The following CANX variants were observed in gnomAD, a reference collection of about 807,000 sequenced individuals.
CANX encodes the protein epididymis secretory sperm binding protein.
A neutral mutation model predicts 75.7 loss-of-function variants in CANX; 14 were observed. That is an observed-to-expected ratio of 0.19 (90% CI 0.12 to 0.29). CANX has a LOEUF of 0.29. CANX is among the 10% of genes least tolerant of loss of function. The probability of loss-of-function intolerance (pLI) is 1.00; values close to 1 mark genes in which losing one functional copy is unlikely to be tolerated. For synonymous variants in CANX, 227 were observed against 236.9 expected (o/e 0.96, Z 0.38); for missense variants, 567 against 713.2 (o/e 0.79, Z 2.34).
Position 179,716,275 on chromosome 5 carries a change from G to A in CANX, c.892G>A (p.Ala298Thr), listed in dbSNP as rs750481212. The A allele has an allele frequency of 1.9e-6, 3 of 1,614,068 alleles. No individual in the cohort carries two copies. Among genetic ancestry groups the A allele is most frequent in the East Asian group, 2.2e-5 (1 of 44,890 alleles). Residue 298 changes from alanine (A) to threonine (T), a missense_variant, in exon 8 of 15, where the codon GCT (alanine) becomes ACT (threonine). Ala to Thr is a moderately conservative substitution (Grantham distance 58, BLOSUM62 0). Coordinates refer to ENST00000247461, the MANE Select transcript of CANX (RefSeq NM_001746.4). ...DERPKIPDPE[A>T]VKPDDWDEDA... is the part of the protein sequence containing the mutation. The stretch of plus-strand genomic sequence containing the variant: ...AAGACCAAAAATCCCAGATCCAGAA[G>A]CTGTCAAGCCAGATGACTGGTGAGT...
At chr5:179,705,613 G>A (rs550990815) in intron 1 of CANX, 66 bp from the exon 2 acceptor site, 3 of 1,130,664 alleles carry the variant, frequency 2.7e-6, no homozygotes, top group East Asian at 2.4e-5. Context: ...TGAGAGAGTG[G>A]TTAGTGATCT....
intron 1 of CANX, among the ~76,000 whole-genome samples, chr5:179,681,964 A>AAAG (rs1243688308): frequency 6.8e-6 from 1 of 146,462 alleles, no homozygotes; most frequent in Non-Finnish European, 1.5e-5. Context: ...AAAAAAAAAA[A>AAAG]GAGGGCCAGG....
chr5:179,696,267 CTTTTTTT>C (rs34048949), upstream of CANX, among the ~76,000 whole-genome samples: 10 of 56,738 alleles, frequency 1.8e-4, no homozygotes, highest in Admixed American at 3.2e-4. Flanking sequence ...AGTGTCATTT[CTTTTTTT>C]TTTTTTTTTT....
chr5:179,696,324 A>G (rs1776404042), upstream of CANX, among the ~76,000 whole-genome samples: 1 of 117,792 alleles, frequency 8.5e-6, no homozygotes, highest in Non-Finnish European at 1.6e-5. Flanking sequence ...CACCCAAGCT[A>G]GAGTGCAGTG....
Position 179,728,633 on chromosome 5 carries a change from C to T in CANX, c.1768C>T (p.Arg590Ter), listed in dbSNP as rs1374085607. Residue 590 changes from arginine to a stop codon, truncating the protein, a stop_gained, in exon 15 of 15, where the codon CGA (arginine) becomes TGA (stop). Transcript: ENST00000247461. LOFTEE classifies it high-confidence loss of function. ...LNRSPRNRKP[R>*]RE ...CAGATCACCAAGAAACAGAAAGCCACGAAGAGAGTGAAACAATCTTAAGAG... is the reference window on the plus strand; with the variant it reads ...CAGATCACCAAGAAACAGAAAGCCATGAAGAGAGTGAAACAATCTTAAGAG... 18 of 1,607,830 alleles carry T rather than the reference C, an allele frequency of 1.1e-5. No homozygotes were observed. Among genetic ancestry groups the T allele is most frequent in the South Asian group, 4.4e-5 (4 of 90,950 alleles).
In CANX at chr5:179,716,223, A is replaced by C. The variant is rs1217180939; in HGVS notation, c.840A>C (p.Glu280Asp). The C allele has an allele frequency of 6.2e-7, 1 of 1,614,216 alleles. No individual in the cohort carries two copies. Among genetic ancestry groups the C allele is most frequent in the Admixed American group, 1.7e-5 (1 of 60,024 alleles). ...VNPSREIEDP[E>D]DRKPEDWDER... is the part of the protein sequence containing the mutation. ...CTTCACGTGAAATTGAGGACCCAGA[A>C]GACCGGAAGCCCGAGGATTGGGATG... The change falls in exon 8 of 15, where the codon GAA becomes GAC. Residue 280 changes from glutamate to aspartate, a missense_variant. Physicochemically the swap from Glu to Asp is conservative, Grantham distance 45. This residue lies in a region of CANX where 351 missense variants were observed against 433.8 expected (regional missense o/e 0.81). Coordinates refer to ENST00000247461, the MANE Select transcript of CANX (RefSeq NM_001746.4).
chr5:179,705,805 G>A lies in CANX; in HGVS notation c.124G>A (p.Val42Ile). Residue 42 changes from valine (V) to isoleucine (I), a missense_variant, in exon 2 of 15, where the codon GTA becomes ATA. Transcript: ENST00000247461. ...EDDLDDVIEE[V>I]EDSKPDTTAP... ...TGACCTTGACGATGTCATTGAAGAG[G>A]TAGAAGACTCAAAACCAGATACCAC... is the stretch of plus-strand genomic sequence containing the variant. The A allele has an allele frequency of 6.2e-7, 1 of 1,613,414 alleles. No individual in the cohort carries two copies. The highest frequency in any genetic ancestry group is 1.1e-5 in the South Asian group (1 of 91,062).
upstream of CANX, among the ~76,000 whole-genome samples, chr5:179,695,622 C>T (rs1391292321): frequency 1.3e-5 from 2 of 151,506 alleles, no homozygotes; most frequent in Non-Finnish European, 2.9e-5. Context: ...AGCCACTGTG[C>T]CTGGCCTATT....
At chr5:179,716,781 A>G (rs1581880637) in intron 8 of CANX, among the ~76,000 whole-genome samples, 1 of 152,312 alleles carries the variant, frequency 6.6e-6, no homozygotes, top group South Asian at 2.1e-4. Context: ...GGCATGTGGT[A>G]TCGTAAGGGT....
upstream of CANX, chr5:179,698,636 C>A: frequency 8.0e-7 from 1 of 1,244,846 alleles, no homozygotes; most frequent in Non-Finnish European, 1.1e-6. Context: ...TTGGAACGCC[C>A]CGAAGGCACC....
rs769126790 is a variant in CANX, at chr5:179,679,185, G to C, written c.-4+408G>C. On this transcript the variant is annotated intron_variant, in intron 1 of 14. Coordinates refer to the CANX transcript ENST00000681674. ...ACGCAGGTGCTCGAAGGGGAGCCTC[G>C]GGAGCGCTGGCGACTCGTGCTGCGC... 9.8e-6 allele frequency: 15 copies of C among 1,534,918 alleles called. No homozygotes were observed. The South Asian group carries it at 1.8e-4, about 18-fold the overall frequency.
chr5:179,719,103 T>C (rs558304508), intron 8 of CANX, among the ~76,000 whole-genome samples: 3 of 152,164 alleles, frequency 2.0e-5, no homozygotes, highest in Non-Finnish European at 2.9e-5. Flanking sequence ...GCTATAGATA[T>C]ATATTTTCAT....
At chr5:179,706,704 G>A (rs921650940) in intron 3 of CANX, among the ~76,000 whole-genome samples, 2 of 152,096 alleles carry the variant, frequency 1.3e-5, no homozygotes. Context: ...TGGTCCACTT[G>A]CCTTAGCCTC....
At chr5:179,686,505 A>G (rs1168495223) in intron 1 of CANX, among the ~76,000 whole-genome samples, 1 of 151,490 alleles carries the variant, frequency 6.6e-6, no homozygotes, top group Non-Finnish European at 1.5e-5. Context: ...ACACGGTCTC[A>G]CTGTTGCCCA....
At position 179,682,352 on chromosome 5, in the gene CANX, G is replaced by A. The variant is rs576832502; in HGVS notation, c.-4+3575G>A. The stretch of plus-strand genomic sequence containing the variant: ...AGCACTTTGGGAGGCTGAGGCAGGC[G>A]GATCATGAGGTCAGGAGATCGAGAT... On this transcript the variant is annotated intron_variant, in intron 1 of 14. Coordinates refer to the CANX transcript ENST00000681674. Among the ~76,000 whole-genome samples the A allele has an allele frequency of 1.5e-4, 23 of 151,238 alleles. No individual in the cohort carries two copies. In the South Asian group the frequency reaches 3.8e-3, roughly 25 times the overall value.
At chr5:179,684,929 T>G (rs1476026500) in intron 1 of CANX, among the ~76,000 whole-genome samples, 2 of 52,784 alleles carry the variant, frequency 3.8e-5, no homozygotes, top group Non-Finnish European at 9.2e-5. Context: ...ATTTTGTATT[T>G]TTTTTTTTTT....
chr5:179,715,816 T>G (rs1019638990), intron 7 of CANX: 2 of 426,268 alleles, frequency 4.7e-6, no homozygotes, highest in Admixed American at 7.9e-5. Flanking sequence ...TAGTTTCTTG[T>G]TTTTTTTGTT....
chr5:179,695,994 A>C (rs1442599740), upstream of CANX, among the ~76,000 whole-genome samples: 1 of 151,928 alleles, frequency 6.6e-6, no homozygotes, highest in African/African-American at 2.4e-5. Context: ...ATCTTGGCTC[A>C]CTGCAGCCTT....
intron 7 of CANX, among the ~76,000 whole-genome samples, chr5:179,711,533 A>T (rs1327758059): frequency 6.6e-6 from 1 of 152,172 alleles, no homozygotes; most frequent in Non-Finnish European, 1.5e-5. Context: ...TCGTGCCTAT[A>T]ATCCCAGCAC....
Sources: gnomAD v4.1 joint callset for allele counts (sites outside exome capture counted in the v4.1 genomes callset) on GRCh38, gnomAD v4.1.1 for gene constraint, gnomAD v4.1.1 regional missense constraint, MANE v1.5 for transcripts, NCBI Gene and HGNC (gene_info 2026-07-23, HGNC 2026-07-21) for gene names.